Variants in PLCZ1 observed in about 807,000 individuals in gnomAD.
PLCZ1 encodes the protein 1-phosphatidylinositol 4,5-bisphosphate phosphodiesterase zeta-1.
In PLCZ1, 64 loss-of-function variants were observed where a neutral mutation model predicts 76.8. The ratio of observed to expected loss-of-function variants is 0.83; its 90% CI spans 0.68 to 1.03. PLCZ1 has a LOEUF of 1.03. PLCZ1 is among the 50% of genes least tolerant of loss of function. The pLI is 0.00. For missense variants in PLCZ1, 751 were observed against 713.7 expected (o/e 1.05, Z -0.60); for synonymous variants, 248 against 230.8 (o/e 1.07, Z -0.68).
the PLCZ1 span, chr12:18,648,087 C>A: frequency 1.9e-6 from 2 of 1,048,718 alleles, no homozygotes; most frequent in Non-Finnish European, 2.7e-6. Flanking sequence ...CACTTCTGGG[C>A]CTCTGAATCA....
At chr12:18,649,968 C>T in the PLCZ1 span, among the ~76,000 whole-genome samples, 1 of 151,786 alleles carries the variant, frequency 6.6e-6, no homozygotes, top group Non-Finnish European at 1.5e-5. Flanking sequence ...CCCTTGCTCC[C>T]CTTTCCCATC....
the PLCZ1 span, among the ~76,000 whole-genome samples, chr12:18,659,407 C>T: frequency 1.1e-4 from 16 of 152,124 alleles, no homozygotes; most frequent in Admixed American, 5.9e-4. Context: ...GATTAAGCGG[C>T]TGACCTGATA....
chr12:18,714,755 T>C (rs536716207), intron 5 of PLCZ1: 103 of 152,164 alleles, frequency 6.8e-4, no homozygotes, highest in African/African-American at 2.0e-3. Flanking sequence ...CAACTGGAGA[T>C]AGGGAGAGGT....
At chr12:18,658,699 G>T in the PLCZ1 span, among the ~76,000 whole-genome samples, 1 of 152,002 alleles carries the variant, frequency 6.6e-6, no homozygotes, top group South Asian at 2.1e-4. Flanking sequence ...TAAGTATTTG[G>T]AATAGATGGC....
chr12:18,711,384 T>G (rs1462812073), intron 6 of PLCZ1, among the ~76,000 whole-genome samples: 2 of 56,800 alleles, frequency 3.5e-5, no homozygotes. Context: ...GGGACTGTTG[T>G]GGGGTGGGGG....
chr12:18,661,563 T>C, the PLCZ1 span, among the ~76,000 whole-genome samples: 1 of 152,168 alleles, frequency 6.6e-6, no homozygotes, highest in Non-Finnish European at 1.5e-5. Flanking sequence ...TCAACATTAT[T>C]AATCAGAAAA....
chr12:18,680,958 G>C (rs1952350399), downstream of PLCZ1, among the ~76,000 whole-genome samples: 1 of 152,050 alleles, frequency 6.6e-6, no homozygotes, highest in African/African-American at 2.4e-5. Context: ...TAAATTAATA[G>C]TCATTTATGT....
At chr12:18,651,390 T>C in the PLCZ1 span, among the ~76,000 whole-genome samples, 1 of 152,280 alleles carries the variant, frequency 6.6e-6, no homozygotes, top group East Asian at 1.9e-4. Context: ...CTACACCACT[T>C]TTATCTTATG....
intron 12 of PLCZ1, among the ~76,000 whole-genome samples, chr12:18,692,315 G>A (rs952071749): frequency 2.0e-5 from 3 of 152,058 alleles, no homozygotes; most frequent in African/African-American, 4.8e-5. Flanking sequence ...GCAAACAACA[G>A]GTACAGTTAT....
At chr12:18,658,627 T>A in the PLCZ1 span, among the ~76,000 whole-genome samples, 1 of 152,140 alleles carries the variant, frequency 6.6e-6, no homozygotes, top group Non-Finnish European at 1.5e-5. Flanking sequence ...AAAATCAATA[T>A]TTTAATAAAT....
the PLCZ1 span, among the ~76,000 whole-genome samples, chr12:18,661,474 A>G: frequency 6.6e-6 from 1 of 152,092 alleles, no homozygotes; most frequent in Non-Finnish European, 1.5e-5. Context: ...TAAAAGAAAA[A>G]CAACTGTCAA....
chr12:18,661,610 C>A, the PLCZ1 span, among the ~76,000 whole-genome samples: 1 of 152,074 alleles, frequency 6.6e-6, no homozygotes, highest in East Asian at 1.9e-4. Flanking sequence ...CCATCTCACA[C>A]CAGTCAGAAT....
intron 9 of PLCZ1, 61 bp downstream of exon 9, chr12:18,701,440 C>T: frequency 6.2e-7 from 1 of 1,606,360 alleles, no homozygotes; most frequent in South Asian, 1.1e-5. Context: ...AAAAAATCTC[C>T]AAGAATAAAA....
chr12:18,736,233 T>G lies in PLCZ1; in HGVS notation c.123A>C (p.Lys41Asn). The change falls in exon 3 of 15, where the codon AAA becomes AAC. Residue 41 changes from lysine to asparagine, a missense_variant. Transcript: ENST00000266505. ...LDIRCSYIHV[K>N]QIFKDNDRLK... is the part of the protein sequence containing the mutation. ...GATGTCATCTTACCTTAAAAATCTG[T>G]TTCACATGAATATAACTGCACCGAA... 1 of 1,612,684 alleles carries G rather than the reference T, an allele frequency of 6.2e-7. No homozygotes were observed. The highest frequency in any genetic ancestry group is 8.5e-7 in the Non-Finnish European group (1 of 1,179,152).
intron 3 of PLCZ1, among the ~76,000 whole-genome samples, chr12:18,729,890 C>G (rs1958948944): frequency 6.6e-6 from 1 of 152,034 alleles, no homozygotes; most frequent in Admixed American, 6.6e-5. Context: ...AAAATAAACT[C>G]ACATCAGAAT....
intron 6 of PLCZ1, 150 bp from the exon 7 acceptor site, chr12:18,705,465 A>T (rs184443413): frequency 1.7e-5 from 16 of 923,628 alleles, no homozygotes; most frequent in African/African-American, 1.7e-4. Flanking sequence ...AGTACTTTTG[A>T]GTTTGGCAAA....
In PLCZ1 at chr12:18,719,464, A is replaced by T. The variant is rs1467841799; in HGVS notation, c.536T>A (p.Leu179Ter). The change falls in exon 5 of 15, where the codon TTA becomes TAA. Residue 179 changes from leucine to a stop codon, truncating the protein, a stop_gained. Coordinates refer to ENST00000266505, the MANE Select transcript of PLCZ1 (RefSeq NM_033123.4). LOFTEE classifies it high-confidence loss of function. ...TCCCCAAAGGTCACTTGGTCCCAAT[A>T]ATTGATCAGATACCAAATATGTGTT... ...SHNTYLVSDQLLGPSDLWGYV... is the reference protein window; with the variant it reads ...SHNTYLVSDQ The T allele has an allele frequency of 6.4e-7, 1 of 1,558,354 alleles. No individual in the cohort carries two copies. Among genetic ancestry groups the T allele is most frequent in the Admixed American group, 1.8e-5 (1 of 55,338 alleles).
the PLCZ1 span, among the ~76,000 whole-genome samples, chr12:18,660,400 G>A: frequency 1.3e-5 from 2 of 152,256 alleles, no homozygotes; most frequent in East Asian, 3.9e-4. Flanking sequence ...TTTGTTGCAA[G>A]CCCTTCCCTC....
chr12:18,736,552 A>C, intron 2 of PLCZ1: 1 of 1,260,448 alleles, frequency 7.9e-7, no homozygotes, highest in Non-Finnish European at 1.0e-6. Context: ...GGCATAGCAC[A>C]GTAAAAATAC....
Sources: allele counts gnomAD v4.1 joint callset (sites outside exome capture counted in the v4.1 genomes callset), GRCh38; gene constraint gnomAD v4.1.1; transcripts MANE v1.5; gene names NCBI Gene and HGNC (gene_info 2026-07-23, HGNC 2026-07-21).